The following PTPRD variants were observed in gnomAD, a reference collection of about 807,000 sequenced individuals.
The protein encoded by PTPRD is protein tyrosine phosphatase receptor type D, also known as receptor-type tyrosine-protein phosphatase delta.
Under a neutral mutation model 214.5 loss-of-function variants are expected in PTPRD, and 34 were observed. That is an observed-to-expected ratio of 0.16 (90% CI 0.12 to 0.21). PTPRD has a LOEUF of 0.21. Ranked by LOEUF, PTPRD falls within the 10% of genes least tolerant of loss-of-function variation. The pLI, the probability that PTPRD is intolerant of heterozygous loss-of-function variation, is 1.00. For synonymous variants in PTPRD, 1,128 were observed against 845.7 expected (o/e 1.33, Z -5.79); for missense variants, 2,545 against 2,398.7 (o/e 1.06, Z -1.27).
chr9:10,379,212 T>A (rs1017093405), intron 2 of PTPRD, among the ~76,000 whole-genome samples: 2 of 151,842 alleles, frequency 1.3e-5, no homozygotes, highest in African/African-American at 4.8e-5. Context: ...ATCCTGCAAA[T>A]TTAAAGGATT....
chr9:9,872,301 G>A (rs1211102090), intron 5 of PTPRD, among the ~76,000 whole-genome samples: 1 of 152,090 alleles, frequency 6.6e-6, no homozygotes, highest in Non-Finnish European at 1.5e-5. Context: ...TGCCCTCACA[G>A]TCCCTCAATT....
intron 11 of PTPRD, among the ~76,000 whole-genome samples, chr9:9,005,372 G>A (rs2099457110): frequency 6.6e-6 from 1 of 151,980 alleles, no homozygotes; most frequent in East Asian, 1.9e-4. Flanking sequence ...AAGTAGCATG[G>A]TGAATGCTAC....
At chr9:9,010,078 A>G (rs559980945) in intron 11 of PTPRD, among the ~76,000 whole-genome samples, 1 of 152,318 alleles carries the variant, frequency 6.6e-6, no homozygotes, top group South Asian at 2.1e-4. Flanking sequence ...ACAATTGTGA[A>G]TGGTTAGAAA....
intron 3 of PTPRD, among the ~76,000 whole-genome samples, chr9:10,073,390 C>T (rs368825593): frequency 6.6e-6 from 1 of 151,990 alleles, no homozygotes; most frequent in African/African-American, 2.4e-5. Context: ...AAATACTATA[C>T]TATAGTTGAT....
At chr9:8,485,726 T>C (rs2135895602) in intron 28 of PTPRD, 36 bp downstream of exon 28, 2 of 1,536,684 alleles carry the variant, frequency 1.3e-6, no homozygotes, top group South Asian at 1.2e-5. Flanking sequence ...CTGACAATCC[T>C]TTAAAGGAGG....
chr9:9,228,815 T>C (rs972575277), intron 9 of PTPRD, among the ~76,000 whole-genome samples: 3 of 152,278 alleles, frequency 2.0e-5, no homozygotes, highest in Admixed American at 2.0e-4. Context: ...CCTTCGTTTT[T>C]TGTTTCTTAT....
At chr9:9,434,919 A>G (rs1185279163) in intron 8 of PTPRD, among the ~76,000 whole-genome samples, 1 of 149,108 alleles carries the variant, frequency 6.7e-6, no homozygotes, top group Non-Finnish European at 1.5e-5. Flanking sequence ...TTCTGATTTA[A>G]AGTATCCTCT....
chr9:9,509,135 T>C (rs1310661804), intron 8 of PTPRD, among the ~76,000 whole-genome samples: 1 of 151,688 alleles, frequency 6.6e-6, no homozygotes, highest in Non-Finnish European at 1.5e-5. Context: ...GAAAGTAGAT[T>C]ATGGGGAGCA....
At chr9:10,241,332 A>G (rs570878727) in intron 3 of PTPRD, among the ~76,000 whole-genome samples, 1 of 152,118 alleles carries the variant, frequency 6.6e-6, no homozygotes, top group African/African-American at 2.4e-5. Context: ...ATATGACCCA[A>G]TCATTTCATT....
At chr9:8,808,037 A>G (rs138202211) in intron 11 of PTPRD, among the ~76,000 whole-genome samples, 2 of 152,280 alleles carry the variant, frequency 1.3e-5, no homozygotes, top group African/African-American at 4.8e-5. Context: ...AATGCTATGC[A>G]TTTTGCACAA....
chr9:10,208,714 A>C (rs2099499036), intron 3 of PTPRD, among the ~76,000 whole-genome samples: 2 of 152,236 alleles, frequency 1.3e-5, no homozygotes, highest in Admixed American at 6.5e-5. Context: ...TTGGGAAGGA[A>C]TAGAAAAGAG....
chr9:8,793,571 T>C (rs2096304341), intron 11 of PTPRD, among the ~76,000 whole-genome samples: 2 of 152,208 alleles, frequency 1.3e-5, no homozygotes, highest in Admixed American at 1.3e-4. Context: ...AAGCAATAAA[T>C]ATGACAATGT....
chr9:9,323,459 T>TA (rs1967759463), intron 9 of PTPRD, among the ~76,000 whole-genome samples: 1 of 152,176 alleles, frequency 6.6e-6, no homozygotes, highest in Admixed American at 6.5e-5. Flanking sequence ...CTAATCAATA[T>TA]AATCTGATGT....
chr9:8,623,501 A>G (rs2095885905), intron 14 of PTPRD, among the ~76,000 whole-genome samples: 1 of 151,896 alleles, frequency 6.6e-6, no homozygotes, highest in Non-Finnish European at 1.5e-5. Context: ...GCCTGTGCCA[A>G]AAAGTTCTGC....
At chr9:9,432,088 T>C (rs11794871) in intron 8 of PTPRD, among the ~76,000 whole-genome samples, 10,822 of 136,096 alleles carry the variant, frequency 0.08, 463 homozygotes, top group Middle Eastern at 0.19. Context: ...ATAATAATAA[T>C]AAAAGAAACA....
chr9:9,431,835 T>C (rs904887185), intron 8 of PTPRD, among the ~76,000 whole-genome samples: 2 of 135,570 alleles, frequency 1.5e-5, no homozygotes, highest in African/African-American at 5.6e-5. Flanking sequence ...TTCTCTCTCA[T>C]AGGTGGGAAC....
At chr9:9,175,484 A>C (rs2099924081) in intron 10 of PTPRD, among the ~76,000 whole-genome samples, 1 of 151,742 alleles carries the variant, frequency 6.6e-6, no homozygotes, top group Non-Finnish European at 1.5e-5. Flanking sequence ...TTAGCTGAGC[A>C]TGATGGTGGG....
Position 8,319,752 on chromosome 9 carries a change from A to T in PTPRD, c.5670+79T>A, listed in dbSNP as rs529437262. On this transcript the variant is annotated intron_variant, in intron 45 of 45. Transcript: ENST00000381196. ...CCACAGTATTTTGTGTCTGGTGTTG[A>T]GAGAGTATGGAGTCCGGGAGGTCCA... 1.1e-5 allele frequency: 17 copies of T among 1,534,912 alleles called. No individual in the cohort carries two copies. In the South Asian group the frequency reaches 1.9e-4, roughly 17 times the overall value.
rs17241164 is a variant in PTPRD at position 9,857,448 on chromosome 9, T to C, written c.-368+81059A>G. On this transcript the variant is annotated intron_variant, in intron 5 of 45. Transcript: ENST00000381196. ...GTATCTCTTTCCCAGGCCTAGGTAATTGCTTTTTTATTTATCTCAAACCAT... is the reference window on the plus strand; with the variant it reads ...GTATCTCTTTCCCAGGCCTAGGTAACTGCTTTTTTATTTATCTCAAACCAT... Among the ~76,000 whole-genome samples the C allele has an allele frequency of 5.1e-3, 776 of 152,306 alleles. 6 individuals carry two copies. Among genetic ancestry groups the C allele is most frequent in the Non-Finnish European group, 8.8e-3 (601 of 68,022 alleles).
Sources: gnomAD v4.1 joint callset for allele counts (sites outside exome capture counted in the v4.1 genomes callset) on GRCh38, gnomAD v4.1.1 for gene constraint, MANE v1.5 for transcripts, NCBI Gene and HGNC (gene_info 2026-07-23, HGNC 2026-07-21) for gene names.